The following TOX variants were observed in gnomAD, a reference collection of about 807,000 sequenced individuals.
TOX encodes the protein thymocyte selection associated high mobility group box, also known as thymocyte selection-associated high mobility group box protein TOX.
TOX carries 11 observed loss-of-function variants against 53.7 expected under a neutral mutation model. The observed-to-expected ratio is 0.20, with a 90% CI of 0.13 to 0.34. The LOEUF (loss-of-function observed/expected upper bound fraction) is 0.34, where lower values mean the gene tolerates loss of function less well. TOX is among the 10% of genes least tolerant of loss of function. TOX has a pLI of 1.00. For synonymous variants in TOX, 225 were observed against 245.3 expected (o/e 0.92, Z 0.77); for missense variants, 570 against 664.6 (o/e 0.86, Z 1.56).
Position 58,851,946 on chromosome 8 carries a change from T to C in TOX, c.412-141A>G. 3 of 735,466 alleles carry C rather than the reference T, an allele frequency of 4.1e-6. No homozygotes were observed. Among genetic ancestry groups the C allele is most frequent in the African/African-American group, 1.8e-5 (1 of 54,626 alleles). 45.6% of individuals were successfully genotyped at this position (735,466 alleles called of 1,614,324 possible). A position where few individuals can be genotyped will look rare whatever the true frequency, so the allele number is the denominator to read the frequency against. On this transcript the variant is annotated intron_variant, in intron 3 of 8. Transcript: ENST00000361421. The surrounding 1 kb of genome is among the most constrained non-coding windows in gnomAD (Gnocchi z 4.4). ...CTGAGTTACATACACATTTATTTTATCTGGGGTAAAATAATCCTAAAAGTA... is the reference window on the plus strand; with the variant it reads ...CTGAGTTACATACACATTTATTTTACCTGGGGTAAAATAATCCTAAAAGTA...
At chr8:58,838,477 TG>T (rs1810586311) in intron 4 of TOX, among the ~76,000 whole-genome samples, 166 bp from the exon 5 acceptor site, 2 of 152,114 alleles carry the variant, frequency 1.3e-5, no homozygotes, top group South Asian at 4.1e-4. Flanking sequence ...CAGATGAAAC[TG>T]CATATTTCAA....
intron 7 of TOX, among the ~76,000 whole-genome samples, chr8:58,811,301 CA>C (rs1181865735): frequency 6.6e-6 from 1 of 152,120 alleles, no homozygotes; most frequent in Admixed American, 6.5e-5. Flanking sequence ...GAAAAATCAC[CA>C]ACTGTTTTGT....
chr8:58,998,536 T>TAA (rs11272464), intron 1 of TOX, among the ~76,000 whole-genome samples: 3 of 37,756 alleles, frequency 7.9e-5, no homozygotes, highest in Non-Finnish European at 1.3e-4. Flanking sequence ...TATATATATA[T>TAA]ATAAATTTAT....
chr8:58,977,791 A>G (rs1813130393), intron 1 of TOX, among the ~76,000 whole-genome samples: 1 of 152,244 alleles, frequency 6.6e-6, no homozygotes, highest in Admixed American at 6.5e-5. Context: ...TTATCAATTA[A>G]GTTCATTGTC....
intron 2 of TOX, among the ~76,000 whole-genome samples, chr8:58,949,043 T>C (rs1010968535): frequency 2.0e-5 from 3 of 152,196 alleles, no homozygotes; most frequent in Non-Finnish European, 4.4e-5. Flanking sequence ...CCTTAGTAGA[T>C]GTATTTACTT....
intron 1 of TOX, among the ~76,000 whole-genome samples, chr8:58,978,858 A>G (rs1314144899): frequency 1.3e-5 from 2 of 152,208 alleles, no homozygotes; most frequent in Non-Finnish European, 2.9e-5. Context: ...ACAGAAAAGG[A>G]GCTATGCTTG....
intron 3 of TOX, among the ~76,000 whole-genome samples, chr8:58,929,577 G>T (rs1414256158): frequency 6.6e-6 from 1 of 152,016 alleles, no homozygotes; most frequent in African/African-American, 2.4e-5. Context: ...GAATAATGAA[G>T]ATAGTGGTGT....
intron 6 of TOX, among the ~76,000 whole-genome samples, chr8:58,822,625 T>A (rs1283786780): frequency 6.6e-6 from 1 of 152,188 alleles, no homozygotes; most frequent in Non-Finnish European, 1.5e-5. Context: ...GGTCTCAGCC[T>A]CTGTTGGTAG....
At chr8:59,105,545 G>A (rs1439585178) in intron 1 of TOX, among the ~76,000 whole-genome samples, 1 of 152,016 alleles carries the variant, frequency 6.6e-6, no homozygotes, top group Non-Finnish European at 1.5e-5. Flanking sequence ...CATCGGTACT[G>A]CATACTATAT....
At chr8:59,066,747 T>C (rs1804101203) in intron 1 of TOX, among the ~76,000 whole-genome samples, 1 of 152,198 alleles carries the variant, frequency 6.6e-6, no homozygotes, top group South Asian at 2.1e-4. Flanking sequence ...CCAGCTACTG[T>C]TAAGAAAGAA....
At chr8:58,948,211 C>A (rs1812556971) in intron 2 of TOX, among the ~76,000 whole-genome samples, 1 of 152,114 alleles carries the variant, frequency 6.6e-6, no homozygotes, top group Non-Finnish European at 1.5e-5. Flanking sequence ...ATTACTGGAA[C>A]CCTGGGCTAA....
chr8:58,937,007 C>T (rs1222123663), intron 3 of TOX, among the ~76,000 whole-genome samples: 1 of 152,240 alleles, frequency 6.6e-6, no homozygotes, highest in Admixed American at 6.5e-5. Flanking sequence ...TCCATCGTCA[C>T]ACCACATTCC....
At chr8:58,914,085 G>A (rs948739564) in intron 3 of TOX, among the ~76,000 whole-genome samples, 33 of 152,198 alleles carry the variant, frequency 2.2e-4, no homozygotes, top group Non-Finnish European at 1.0e-4. Context: ...GTTACCCAAG[G>A]AAAACAGTGA....
chr8:58,994,971 T>A (rs1483225443), intron 1 of TOX, among the ~76,000 whole-genome samples: 1 of 152,248 alleles, frequency 6.6e-6, no homozygotes, highest in Non-Finnish European at 1.5e-5. Context: ...CTTACATCAT[T>A]GTGTATATCA....
chr8:58,957,641 G>A (rs1812733022), intron 2 of TOX, among the ~76,000 whole-genome samples: 1 of 152,218 alleles, frequency 6.6e-6, no homozygotes, highest in South Asian at 2.1e-4. Context: ...CACAGGAGCA[G>A]TAGTGCGCCA....
chr8:59,024,490 A>C (rs1166410427), intron 1 of TOX, among the ~76,000 whole-genome samples: 2 of 152,306 alleles, frequency 1.3e-5, no homozygotes, highest in Middle Eastern at 3.4e-3. Flanking sequence ...TTAAATTCTT[A>C]AGAGTAGGTA....
chr8:59,108,412 G>A (rs1244727927), intron 1 of TOX, among the ~76,000 whole-genome samples: 4 of 152,116 alleles, frequency 2.6e-5, no homozygotes, highest in Non-Finnish European at 5.9e-5. Context: ...GACAACCGTA[G>A]AGACTACAAA....
At chr8:58,882,320 C>A (rs1365141152) in intron 3 of TOX, among the ~76,000 whole-genome samples, 5 of 152,182 alleles carry the variant, frequency 3.3e-5, no homozygotes, top group Non-Finnish European at 1.5e-5. Context: ...CCTGGCTTCA[C>A]GATGACTTTA....
At chr8:59,084,160 A>C (rs1444878052) in intron 1 of TOX, among the ~76,000 whole-genome samples, 1 of 152,210 alleles carries the variant, frequency 6.6e-6, no homozygotes, top group Non-Finnish European at 1.5e-5. Context: ...TGGGTTTATA[A>C]AAAGTATATA....
Sources: allele counts gnomAD v4.1 joint callset (sites outside exome capture counted in the v4.1 genomes callset), GRCh38; gene constraint gnomAD v4.1.1; non-coding constraint Gnocchi (gnomAD v3.1); transcripts MANE v1.5; gene names NCBI Gene and HGNC (gene_info 2026-07-23, HGNC 2026-07-21).